The following EYA2 variants were observed in gnomAD, a reference collection of about 807,000 sequenced individuals.
EYA2 encodes protein phosphatase EYA2.
A neutral mutation model predicts 69.2 loss-of-function variants in EYA2; 31 were observed. The observed-to-expected ratio is 0.45, with a 90% CI of 0.34 to 0.60. EYA2 has a LOEUF of 0.60. EYA2 is among the 20% of genes least tolerant of loss of function. EYA2 has a pLI of 0.02. For missense variants in EYA2, 622 were observed against 701.2 expected, an observed-to-expected ratio of 0.89 and a Z score of 1.28; for synonymous variants, 257 against 279.4, an observed-to-expected ratio of 0.92 and a Z score of 0.80.
intron 9 of EYA2, among the ~76,000 whole-genome samples, chr20:47,098,526 G>A (rs760618699): frequency 6.6e-6 from 1 of 152,128 alleles, no homozygotes; most frequent in Non-Finnish European, 1.5e-5. Context: ...GTGATCTTGG[G>A]TATGATTTTT....
Position 47,165,037 on chromosome 20 carries a change from A to G in EYA2, c.979-4102A>G, listed in dbSNP as rs371461992. Among the ~76,000 whole-genome samples the G allele has an allele frequency of 3.3e-5, 5 of 152,332 alleles. No individual in the cohort carries two copies. The East Asian group carries it at 9.6e-4, about 29-fold the overall frequency. ...CAATGATAAAATATCTGCAGCGTTCACTGCAATAACCACTGGCTACATGTA... is the reference window on the plus strand; with the variant it reads ...CAATGATAAAATATCTGCAGCGTTCGCTGCAATAACCACTGGCTACATGTA... On this transcript the variant is annotated intron_variant, in intron 10 of 15. Transcript: ENST00000327619.
intron 1 of EYA2, among the ~76,000 whole-genome samples, chr20:46,903,905 ACACTTAGCT>A (rs1343187859): frequency 5.9e-5 from 9 of 152,224 alleles, no homozygotes; most frequent in Non-Finnish European, 2.9e-5. Flanking sequence ...TACATGGAAA[ACACTTAGCT>A]TTGCTACACT....
At chr20:46,960,798 C>G (rs1979428765) in intron 1 of EYA2, among the ~76,000 whole-genome samples, 1 of 152,202 alleles carries the variant, frequency 6.6e-6, no homozygotes, top group African/African-American at 2.4e-5. Context: ...TACAGTAAAT[C>G]TTTTCAACCC....
chr20:46,984,435 AACAG>A (rs988571478), intron 1 of EYA2, among the ~76,000 whole-genome samples: 9 of 152,360 alleles, frequency 5.9e-5, no homozygotes, highest in South Asian at 4.1e-4. Flanking sequence ...AAAAGATCTG[AACAG>A]ACAATTTCCA....
At chr20:47,154,453 C>T (rs1012817004) in intron 10 of EYA2, among the ~76,000 whole-genome samples, 26 of 152,006 alleles carry the variant, frequency 1.7e-4, no homozygotes, top group African/African-American at 6.3e-4. Flanking sequence ...GAAACTGAGG[C>T]AGAGAGTGGC....
chr20:46,971,984 A>G (rs895742299), intron 1 of EYA2, among the ~76,000 whole-genome samples: 2 of 152,236 alleles, frequency 1.3e-5, no homozygotes, highest in Non-Finnish European at 2.9e-5. Flanking sequence ...AATATGCAGT[A>G]TATTTTAAGA....
chr20:47,016,378 A>C, intron 5 of EYA2, 81 bp downstream of exon 5: 1 of 1,043,940 alleles, frequency 9.6e-7, no homozygotes. Flanking sequence ...TTCATTCAGC[A>C]GATTTTTTGA....
In EYA2 at chr20:46,980,459, A is replaced by G. The variant is rs531061538; in HGVS notation, c.-10-9542A>G. Among the ~76,000 whole-genome samples, 4 of 152,220 alleles carry G rather than the reference A, an allele frequency of 2.6e-5. No individual in the cohort carries two copies. The East Asian group carries it at 7.7e-4, about 29-fold the overall frequency. ...TCGCTGTGCTGAAATTTTTTTTACA[A>G]TTTTGTTTAGTTTTGTTTTTTATTG... On this transcript the variant is annotated intron_variant, in intron 1 of 15. Transcript: ENST00000327619.
chr20:46,969,000 C>T (rs186537399), intron 1 of EYA2, among the ~76,000 whole-genome samples: 74 of 151,898 alleles, frequency 4.9e-4, no homozygotes, highest in Middle Eastern at 3.4e-3. Flanking sequence ...GCATAATGAG[C>T]ACTTGCTCGG....
chr20:47,154,882 GTC>G (rs1376838013), intron 10 of EYA2, among the ~76,000 whole-genome samples: 2 of 145,454 alleles, frequency 1.4e-5, no homozygotes, highest in Non-Finnish European at 3.0e-5. Context: ...GCCTCGCTCT[GTC>G]TCTCAGGCTG....
chr20:47,036,327 G>A (rs543776651), intron 5 of EYA2, among the ~76,000 whole-genome samples: 22 of 152,258 alleles, frequency 1.4e-4, no homozygotes, highest in African/African-American at 4.8e-4. Context: ...CAAAGTTCGC[G>A]CAAAAACTCC....
chr20:46,965,015 T>C (rs1180578934), intron 1 of EYA2, among the ~76,000 whole-genome samples: 1 of 152,158 alleles, frequency 6.6e-6, no homozygotes, highest in African/African-American at 2.4e-5. Flanking sequence ...ACGCCCAACT[T>C]GTAGAGTTGG....
chr20:46,954,389 A>G (rs1978990593), intron 1 of EYA2, among the ~76,000 whole-genome samples: 1 of 152,216 alleles, frequency 6.6e-6, no homozygotes, highest in Admixed American at 6.5e-5. Context: ...GGGGCAAATA[A>G]GAAAAATAAA....
chr20:46,916,505 G>A (rs1199161976), intron 1 of EYA2, among the ~76,000 whole-genome samples: 4 of 152,130 alleles, frequency 2.6e-5, no homozygotes, highest in Non-Finnish European at 5.9e-5. Context: ...GTGTGCATGT[G>A]TGATGGGTTC....
chr20:46,995,337 TTCAA>T (rs1981949638), intron 2 of EYA2, among the ~76,000 whole-genome samples: 2 of 152,196 alleles, frequency 1.3e-5, no homozygotes, highest in Admixed American at 1.3e-4. Flanking sequence ...TTGCAACGAT[TTCAA>T]TCAAAGAGGG....
At chr20:47,141,434 G>T (rs1269476646) in intron 9 of EYA2, among the ~76,000 whole-genome samples, 2 of 152,164 alleles carry the variant, frequency 1.3e-5, no homozygotes, top group Non-Finnish European at 2.9e-5. Context: ...AGCAGCCTGG[G>T]CATCAGGATT....
intron 10 of EYA2, among the ~76,000 whole-genome samples, chr20:47,167,925 C>A (rs1250373380): frequency 6.6e-6 from 1 of 152,168 alleles, no homozygotes; most frequent in East Asian, 1.9e-4. Flanking sequence ...TGACTGGATC[C>A]AGGGGATCAG....
chr20:46,948,038 G>T (rs534479470), intron 1 of EYA2, among the ~76,000 whole-genome samples: 2 of 149,380 alleles, frequency 1.3e-5, no homozygotes, highest in Non-Finnish European at 3.0e-5. Flanking sequence ...GATCGCTTGA[G>T]CCCAGGAGGT....
At chr20:46,953,594 T>A (rs11698823) in intron 1 of EYA2, among the ~76,000 whole-genome samples, 27,065 of 152,150 alleles carry the variant, frequency 0.18, 2,859 homozygotes, top group Non-Finnish European at 0.24. Flanking sequence ...TTCTTCCTTA[T>A]GGCGCTGTCC....
Sources: allele counts gnomAD v4.1 joint callset (sites outside exome capture counted in the v4.1 genomes callset), GRCh38; gene constraint gnomAD v4.1.1; transcripts MANE v1.5; gene names NCBI Gene and HGNC (gene_info 2026-07-23, HGNC 2026-07-21).